The following MED13 variants were observed in gnomAD, a reference collection of about 807,000 sequenced individuals.
MED13 encodes the protein mediator complex subunit 13.
A neutral mutation model predicts 225.2 loss-of-function variants in MED13; 23 were observed. The ratio of observed to expected loss-of-function variants is 0.10; its 90% CI spans 0.07 to 0.14. The LOEUF (loss-of-function observed/expected upper bound fraction) is 0.14, where lower values mean the gene tolerates loss of function less well. Among genes scored for constraint, MED13 ranks in the 10% least tolerant of loss-of-function variants. The pLI, the probability that MED13 is intolerant of heterozygous loss-of-function variation, is 1.00. For missense variants in MED13, 2,197 were observed against 2,594.5 expected, an observed-to-expected ratio of 0.85 and a Z score of 3.33; for synonymous variants, 942 against 889.2, an observed-to-expected ratio of 1.06 and a Z score of -1.06.
At chr17:62,021,460 C>T (rs1189064595) in intron 8 of MED13, among the ~76,000 whole-genome samples, 1 of 151,642 alleles carries the variant, frequency 6.6e-6, no homozygotes, top group Non-Finnish European at 1.5e-5. Flanking sequence ...GCTGGCCGGG[C>T]AGAGGGGCTC....
At chr17:62,012,086 C>T (rs1238339582) in intron 8 of MED13, among the ~76,000 whole-genome samples, 10 of 151,474 alleles carry the variant, frequency 6.6e-5, no homozygotes, top group African/African-American at 1.5e-4. Flanking sequence ...TGTGGTGGCA[C>T]GCGCCTGTAG....
At chr17:62,055,639 A>G (rs2080991103) in intron 2 of MED13, among the ~76,000 whole-genome samples, 1 of 152,000 alleles carries the variant, frequency 6.6e-6, no homozygotes, top group South Asian at 2.1e-4. Context: ...CCTGGCCAAC[A>G]TAGTGAAACC....
At chr17:61,990,481 A>G (rs531542993) in intron 11 of MED13, among the ~76,000 whole-genome samples, 1 of 152,090 alleles carries the variant, frequency 6.6e-6, no homozygotes, top group East Asian at 1.9e-4. Context: ...ATGATTTAGA[A>G]TAAGATAAAC....
chr17:61,985,422 C>T (rs1156468102), intron 12 of MED13, among the ~76,000 whole-genome samples: 1 of 152,140 alleles, frequency 6.6e-6, no homozygotes, highest in East Asian at 1.9e-4. Flanking sequence ...ACCTGTAATC[C>T]CAGCACTTTG....
intron 5 of MED13, among the ~76,000 whole-genome samples, chr17:62,032,831 G>A (rs2080769453): frequency 6.6e-6 from 1 of 152,174 alleles, no homozygotes. Context: ...AGAGGACATA[G>A]AGAATACAGC....
In MED13 at chr17:62,029,814, A is replaced by G. The variant is rs752402200; in HGVS notation, c.1172+37T>C. 22 of 1,559,548 alleles carry G rather than the reference A, an allele frequency of 1.4e-5. No homozygotes were observed. In the Admixed American group the frequency reaches 4.4e-4, roughly 31 times the overall value. On this transcript the variant is annotated intron_variant, in intron 7 of 29. Coordinates refer to ENST00000397786, the MANE Select transcript of MED13 (RefSeq NM_005121.3). ...ATCTTCTAATTATAAGTAATTATCA[A>G]CATGCAATTTTTGAACTTATAAATG...
intron 2 of MED13, among the ~76,000 whole-genome samples, chr17:62,054,027 C>G (rs528052268): frequency 5.6e-4 from 85 of 152,222 alleles, no homozygotes; most frequent in African/African-American, 2.0e-3. Context: ...AAGCTTTAGG[C>G]TGGGCGCAGT....
chr17:62,046,216 G>A (rs888814504), intron 3 of MED13, among the ~76,000 whole-genome samples: 2 of 152,104 alleles, frequency 1.3e-5, no homozygotes, highest in African/African-American at 4.8e-5. Context: ...AAAGAAGTCC[G>A]AAGTAATAAC....
chr17:62,046,215 C>T (rs1240311218), intron 3 of MED13, among the ~76,000 whole-genome samples: 1 of 152,036 alleles, frequency 6.6e-6, no homozygotes, highest in African/African-American at 2.4e-5. Context: ...AAAAGAAGTC[C>T]GAAGTAATAA....
intron 8 of MED13, among the ~76,000 whole-genome samples, chr17:62,020,433 G>A (rs1284293289): frequency 1.3e-5 from 2 of 152,002 alleles, no homozygotes; most frequent in East Asian, 1.9e-4. Context: ...CTGGAGTGCA[G>A]TGGCACGATC....
chr17:62,059,873 T>C (rs2081024647), intron 2 of MED13, among the ~76,000 whole-genome samples: 1 of 152,210 alleles, frequency 6.6e-6, no homozygotes, highest in Non-Finnish European at 1.5e-5. Flanking sequence ...AAATATTATA[T>C]AAATAACACT....
intron 29 of MED13, 115 bp from the exon 30 acceptor site, chr17:61,946,715 A>G (rs2079854374): frequency 6.1e-6 from 8 of 1,307,472 alleles, no homozygotes; most frequent in Admixed American, 4.8e-5. Flanking sequence ...AGTGTAACAG[A>G]GAGTCCTTGA....
intron 8 of MED13, among the ~76,000 whole-genome samples, chr17:62,014,949 G>C (rs1173383649): frequency 6.6e-6 from 1 of 152,130 alleles, no homozygotes; most frequent in African/African-American, 2.4e-5. Context: ...GAAAAAGGAA[G>C]AAATTAAATT....
rs1603411184 is a variant in MED13 at position 62,065,274 on chromosome 17, G to C, written c.-69C>G. 4.0e-6 allele frequency: 3 copies of C among 752,990 alleles called. No homozygotes were observed. The highest frequency in any genetic ancestry group is 1.9e-5 in the African/African-American group (1 of 53,272). The allele number at this position is 752,990 out of a possible 1,614,324, so 46.6% of individuals were successfully genotyped here. A position where few individuals can be genotyped will look rare whatever the true frequency, so the allele number is the denominator to read the frequency against. On this transcript the variant is annotated 5_prime_UTR_variant, in exon 1 of 30. Transcript: ENST00000397786. ...GCCATTACCGCCGCCTCCGACCAGA[G>C]AGAGAAACACAGACACCGGGGAGGG...
At chr17:62,061,456 G>A (rs1416980919) in intron 2 of MED13, among the ~76,000 whole-genome samples, 1 of 152,114 alleles carries the variant, frequency 6.6e-6, no homozygotes, top group African/African-American at 2.4e-5. Context: ...AAAAAGATCT[G>A]TTTAGTCTGT....
intron 1 of MED13, among the ~76,000 whole-genome samples, chr17:62,064,632 G>A (rs1371184275): frequency 6.6e-6 from 1 of 152,150 alleles, no homozygotes; most frequent in Non-Finnish European, 1.5e-5. Context: ...ACCCAAGAAA[G>A]AAACTAACCT....
At chr17:62,063,860 A>C (rs139742063) in intron 1 of MED13, among the ~76,000 whole-genome samples, 1 of 152,328 alleles carries the variant, frequency 6.6e-6, no homozygotes, top group East Asian at 1.9e-4. Context: ...ACTGATCCTA[A>C]AAGTACCAAA....
rs1394084332 is a variant in MED13 at position 61,962,775 on chromosome 17, T to A, written c.5041A>T (p.Ile1681Phe). The change falls in exon 21 of 30, where the codon ATC becomes TTC. Residue 1681 changes from isoleucine to phenylalanine, a missense_variant. Physicochemically the swap from Ile to Phe is conservative, Grantham distance 21. Transcript: ENST00000397786. Reference sequence around the variant, plus strand: ...ACCTGTACAGAAACAGTACTCTTGATATGAGGAGGAAGAGTCTGGACCATT... The same window carrying A: ...ACCTGTACAGAAACAGTACTCTTGAAATGAGGAGGAAGAGTCTGGACCATT... ...LEMVQTLPPH[I>F]KSTVSVQIIP... 1.2e-6 allele frequency: 2 copies of A among 1,613,924 alleles called. No homozygotes were observed. Among genetic ancestry groups the A allele is most frequent in the African/African-American group, 1.3e-5 (1 of 74,900 alleles).
chr17:61,995,557 G>T (rs920596267), intron 9 of MED13, among the ~76,000 whole-genome samples, 192 bp from the exon 10 acceptor site: 1 of 152,062 alleles, frequency 6.6e-6, no homozygotes, highest in African/African-American at 2.4e-5. Flanking sequence ...AGAGAAATGG[G>T]GCCAAAATCC....
Sources: allele counts gnomAD v4.1 joint callset (sites outside exome capture counted in the v4.1 genomes callset), GRCh38; gene constraint gnomAD v4.1.1; transcripts MANE v1.5; gene names NCBI Gene and HGNC (gene_info 2026-07-23, HGNC 2026-07-21).